The following POLR1A variants were observed in gnomAD, a reference collection of about 807,000 sequenced individuals.
POLR1A encodes the protein DNA-directed RNA polymerase I subunit RPA1.
POLR1A carries 84 observed loss-of-function variants against 205.3 expected under a neutral mutation model. The ratio of observed to expected loss-of-function variants is 0.41; its 90% CI spans 0.34 to 0.49. The LOEUF is 0.49. Among genes scored for constraint, POLR1A ranks in the 20% least tolerant of loss-of-function variants. POLR1A has a pLI of 0.22. For missense variants in POLR1A, 1,645 were observed against 2,204.5 expected (o/e 0.75, Z 5.08); for synonymous variants, 799 against 863.7 (o/e 0.93, Z 1.31).
At chr2:86,047,900 G>C (rs1333758560) in intron 18 of POLR1A, among the ~76,000 whole-genome samples, 1 of 152,176 alleles carries the variant, frequency 6.6e-6, no homozygotes, top group Non-Finnish European at 1.5e-5. Context: ...GGAGGTGGTG[G>C]GAAGAGGGCA....
Position 86,088,678 on chromosome 2 carries a change from G to A in POLR1A, c.627-9C>T, listed in dbSNP as rs771978026. The A allele has an allele frequency of 1.9e-6, 3 of 1,610,988 alleles. No homozygotes were observed. The highest frequency in any genetic ancestry group is 1.3e-5 in the African/African-American group (1 of 74,908). On this transcript the variant is annotated splice_polypyrimidine_tract_variant and intron_variant, in intron 5 of 33. Transcript: ENST00000263857. The stretch of plus-strand genomic sequence containing the variant: ...CAACGGATCGCCCGGTCCTGTGCAG[G>A]AGGACAGTTGTGATTGAAGAGAGAA...
chr2:86,097,237 A>AAAAAAAAAG, intron 3 of POLR1A, among the ~76,000 whole-genome samples: 1 of 148,340 alleles, frequency 6.7e-6, no homozygotes. Context: ...AAAAAAAAAA[A>AAAAAAAAAG]AAAAAGCAAA....
intron 22 of POLR1A, 43 bp downstream of exon 22, chr2:86,044,096 G>A: frequency 6.3e-7 from 1 of 1,597,612 alleles, no homozygotes; most frequent in Non-Finnish European, 8.6e-7. Flanking sequence ...CGGTGGGGGA[G>A]GCCTACTGCT....
At chr2:86,036,979 T>A (rs1005105276) in intron 27 of POLR1A, 2 of 152,258 alleles carry the variant, frequency 1.3e-5, no homozygotes, top group Non-Finnish European at 2.9e-5. Flanking sequence ...CCGACCTACC[T>A]GCTGGGCTGG....
intron 1 of POLR1A, among the ~76,000 whole-genome samples, chr2:86,100,473 T>C (rs1673792493): frequency 1.3e-5 from 2 of 152,076 alleles, no homozygotes; most frequent in Admixed American, 1.3e-4. Flanking sequence ...TGGTAAACTG[T>C]TCATAAAAAG....
intron 3 of POLR1A, among the ~76,000 whole-genome samples, chr2:86,090,960 G>A (rs1462674355): frequency 6.6e-6 from 1 of 152,190 alleles, no homozygotes; most frequent in African/African-American, 2.4e-5. Context: ...GTGAGATCCT[G>A]CCTTTAAAAA....
At chr2:86,093,428 A>G (rs1477259514) in intron 3 of POLR1A, among the ~76,000 whole-genome samples, 1 of 152,226 alleles carries the variant, frequency 6.6e-6, no homozygotes. Flanking sequence ...ATGGACACTC[A>G]CAAATATGAC....
intron 26 of POLR1A, 193 bp from the exon 27 acceptor site, chr2:86,039,050 G>T: frequency 1.5e-6 from 1 of 647,168 alleles, no homozygotes; most frequent in Non-Finnish European, 2.6e-6. Context: ...CCTCCAGAGA[G>T]TGGCCTGAAC....
intron 22 of POLR1A, 75 bp downstream of exon 22, chr2:86,044,064 G>C: frequency 6.8e-7 from 1 of 1,460,708 alleles, no homozygotes; most frequent in Non-Finnish European, 9.5e-7. Flanking sequence ...GCAAAGCTCA[G>C]CGCATTCCAG....
In POLR1A at chr2:86,022,320, T is replaced by G. The variant is rs1454512118; in HGVS notation, c.*5103A>C. On this transcript the variant is annotated 3_prime_UTR_variant, in exon 34 of 34. Transcript: ENST00000263857. ...CCCCACTGTAAAGTCCTTGCAGACA[T>G]CTGTCATGGCACGATGACAGCTTTA... The G allele has an allele frequency of 6.6e-6, 1 of 152,202 alleles. No individual in the cohort carries two copies. Among genetic ancestry groups the G allele is most frequent in the African/African-American group, 2.4e-5 (1 of 41,436 alleles). The allele number at this position is 152,202 out of a possible 1,614,324, so 9.4% of individuals were successfully genotyped here. A position where few individuals can be genotyped will look rare whatever the true frequency, so the allele number is the denominator to read the frequency against.
intron 1 of POLR1A, among the ~76,000 whole-genome samples, chr2:86,102,123 CCTACT>C: frequency 6.6e-6 from 1 of 152,174 alleles, no homozygotes. Context: ...TCTTTGAGAC[CCTACT>C]TTCAATTCCT....
At chr2:86,059,597 G>C (rs913870357) in intron 14 of POLR1A, among the ~76,000 whole-genome samples, 1 of 152,056 alleles carries the variant, frequency 6.6e-6, no homozygotes, top group Non-Finnish European at 1.5e-5. Flanking sequence ...ACAGAGTCTC[G>C]TTCTGTCGCC....
At chr2:86,031,730 G>A (rs1347242202) in intron 29 of POLR1A, 95 bp from the exon 30 acceptor site, 7 of 1,516,954 alleles carry the variant, frequency 4.6e-6, no homozygotes, top group African/African-American at 1.4e-5. Context: ...AGCCTTGGCT[G>A]GCCTGGGCTA....
At chr2:86,057,729 T>C (rs1490625282) in intron 14 of POLR1A, among the ~76,000 whole-genome samples, 2 of 152,316 alleles carry the variant, frequency 1.3e-5, no homozygotes, top group Admixed American at 1.3e-4. Context: ...ATACAACTTA[T>C]ATGAAATGTC....
chr2:86,081,529 C>T (rs1673401310), intron 8 of POLR1A, 72 bp downstream of exon 8: 3 of 961,650 alleles, frequency 3.1e-6, no homozygotes, highest in Non-Finnish European at 4.8e-6. Context: ...CCTTTCACCT[C>T]TCCTAGAGGT....
intron 12 of POLR1A, among the ~76,000 whole-genome samples, chr2:86,071,228 A>ACG (rs1673175146): frequency 2.3e-5 from 1 of 43,564 alleles, no homozygotes; most frequent in Non-Finnish European, 7.6e-5. Context: ...CTCCGTGTGC[A>ACG]TGTGTGTGTG....
intron 3 of POLR1A, among the ~76,000 whole-genome samples, chr2:86,096,021 C>G (rs957047210): frequency 6.6e-6 from 1 of 152,046 alleles, no homozygotes; most frequent in Admixed American, 6.6e-5. Context: ...AGCCACTGCA[C>G]CCAGCCGACA....
In POLR1A at chr2:86,088,765, G is replaced by T. The variant is rs753399815; in HGVS notation, c.626+20C>A. The T allele has an allele frequency of 3.2e-5, 52 of 1,607,900 alleles. No homozygotes were observed. Among genetic ancestry groups the T allele is most frequent in the Non-Finnish European group, 4.3e-5 (50 of 1,174,426 alleles). ...ACTGCCCAGAGACGTCTCACCTGGC[G>T]CAAGGGCCCTGATACTTACTTGCAG... On this transcript the variant is annotated intron_variant, in intron 5 of 33. Coordinates refer to ENST00000263857, the MANE Select transcript of POLR1A (RefSeq NM_015425.6).
At chr2:86,067,033 G>T (rs1193681508) in intron 13 of POLR1A, among the ~76,000 whole-genome samples, 1 of 152,118 alleles carries the variant, frequency 6.6e-6, no homozygotes, top group Non-Finnish European at 1.5e-5. Context: ...ATAATTACAG[G>T]TTCTGTGATC....
Sources: allele counts gnomAD v4.1 joint callset (sites outside exome capture counted in the v4.1 genomes callset), GRCh38; gene constraint gnomAD v4.1.1; transcripts MANE v1.5; gene names NCBI Gene and HGNC (gene_info 2026-07-23, HGNC 2026-07-21).